The following ZDHHC2 variants were observed in gnomAD, a reference collection of about 807,000 sequenced individuals.
The protein encoded by ZDHHC2 is palmitoyltransferase ZDHHC2.
ZDHHC2 carries 51 observed loss-of-function variants against 55.6 expected under a neutral mutation model. That is an observed-to-expected ratio of 0.92 (90% CI 0.73 to 1.16). The LOEUF (loss-of-function observed/expected upper bound fraction) is 1.16, where lower values mean the gene tolerates loss of function less well. Among genes scored for constraint, ZDHHC2 ranks in the 50% most tolerant of loss-of-function variants. ZDHHC2 has a pLI of 0.00. For missense variants in ZDHHC2, 491 were observed against 442.4 expected (o/e 1.11, Z -0.99); for synonymous variants, 199 against 152.9 (o/e 1.30, Z -2.22).
At position 17,156,623 on chromosome 8, in the gene ZDHHC2, C is replaced by A. The variant is rs1337072636; in HGVS notation, c.-101C>A. The A allele has an allele frequency of 1.0e-5, 10 of 978,234 alleles. No homozygotes were observed. In the East Asian group the frequency reaches 7.5e-4, roughly 74 times the overall value. 60.6% of individuals were successfully genotyped at this position (978,234 alleles called of 1,614,324 possible). On this transcript the variant is annotated 5_prime_UTR_variant, in exon 1 of 13. Coordinates refer to ENST00000262096, the MANE Select transcript of ZDHHC2 (RefSeq NM_016353.5). ...GTGGCCGCAGCGCACCCCGCCGCCG[C>A]CCAGGAGCCCGTCCAGCCAGGGGTG... is the stretch of plus-strand genomic sequence containing the variant.
chr8:17,208,114 T>G, intron 8 of ZDHHC2, 22 bp downstream of exon 8: 1 of 1,529,708 alleles, frequency 6.5e-7, no homozygotes, highest in Non-Finnish European at 8.8e-7. Flanking sequence ...ATTATTGTAG[T>G]TGACAGAACT....
intron 1 of ZDHHC2, among the ~76,000 whole-genome samples, chr8:17,163,054 C>T (rs950863676): frequency 6.6e-6 from 1 of 152,260 alleles, no homozygotes; most frequent in Non-Finnish European, 1.5e-5. Flanking sequence ...GCCACTTTTA[C>T]TCTGTCCAGG....
rs1204220032 is a variant in ZDHHC2 at position 17,184,801 on chromosome 8, A to T, written c.143A>T (p.Asn48Ile). The T allele has an allele frequency of 6.4e-7, 1 of 1,550,532 alleles. No homozygotes were observed. The highest frequency in any genetic ancestry group is 8.7e-7 in the Non-Finnish European group (1 of 1,146,462). The change falls in exon 2 of 13, where the codon AAC becomes ATC. Residue 48 changes from asparagine to isoleucine, a missense_variant. Coordinates refer to ENST00000262096, the MANE Select transcript of ZDHHC2 (RefSeq NM_016353.5). ...TTTCTCTTTACAGTGTCCATGGAAA[A>T]CACTGGCGAACAAGGTAAGCTAGAT... ...AIQLCIVSME[N>I]TGEQVVCLMA...
At chr8:17,194,983 G>A (rs1335985914) in intron 3 of ZDHHC2, among the ~76,000 whole-genome samples, 2 of 151,936 alleles carry the variant, frequency 1.3e-5, no homozygotes, top group South Asian at 4.2e-4. Flanking sequence ...AAATTAGCTG[G>A]GCAAAATTGT....
rs77223135 is a variant in ZDHHC2, at chr8:17,159,118, A to G, written c.130+2265A>G. On this transcript the variant is annotated intron_variant, in intron 1 of 12. Coordinates refer to ENST00000262096, the MANE Select transcript of ZDHHC2 (RefSeq NM_016353.5). ...TTGAAATTTCCTTATAGGCACTGGG[A>G]AAGATGGCGACTAGTGTGACTGACA... is the stretch of plus-strand genomic sequence containing the variant. Among the ~76,000 whole-genome samples the G allele has an allele frequency of 8.8e-3, 1,335 of 152,268 alleles. 18 individuals carry two copies. The highest frequency in any genetic ancestry group is 0.031 in the African/African-American group (1,286 of 41,556).
At chr8:17,204,519 C>T (rs1042772956) in intron 6 of ZDHHC2, among the ~76,000 whole-genome samples, 2 of 152,170 alleles carry the variant, frequency 1.3e-5, no homozygotes, top group African/African-American at 2.4e-5. Context: ...CAAGGTCATC[C>T]AGTAGTGCCC....
chr8:17,205,580 A>T lies in ZDHHC2; in HGVS notation c.477-75A>T. Reference sequence around the variant, plus strand: ...ATAAATTAGAAGTGAGAGGAAGCTAAACACTTGCTTGAGCATATGCACATG... The same window carrying T: ...ATAAATTAGAAGTGAGAGGAAGCTATACACTTGCTTGAGCATATGCACATG... On this transcript the variant is annotated intron_variant, in intron 6 of 12. Coordinates refer to ENST00000262096, the MANE Select transcript of ZDHHC2 (RefSeq NM_016353.5). 2.1e-6 allele frequency: 3 copies of T among 1,427,538 alleles called. No individual in the cohort carries two copies. The South Asian group carries it at 5.0e-5, about 24-fold the overall frequency. The allele number at this position is 1,427,538 out of a possible 1,614,324, so 88.4% of individuals were successfully genotyped here.
At chr8:17,166,787 T>G (rs1804621216) in intron 1 of ZDHHC2, among the ~76,000 whole-genome samples, 1 of 152,116 alleles carries the variant, frequency 6.6e-6, no homozygotes, top group Non-Finnish European at 1.5e-5. Context: ...CATTGCCACA[T>G]GTACTGGCCC....
At chr8:17,196,967 A>T (rs1016614375) in intron 4 of ZDHHC2, among the ~76,000 whole-genome samples, 7 of 152,192 alleles carry the variant, frequency 4.6e-5, no homozygotes, top group African/African-American at 1.7e-4. Flanking sequence ...TCACTTTAGA[A>T]TCATAATTGA....
At chr8:17,193,319 T>G (rs190080827) in intron 3 of ZDHHC2, among the ~76,000 whole-genome samples, 77 of 152,308 alleles carry the variant, frequency 5.1e-4, no homozygotes, top group African/African-American at 1.7e-3. Flanking sequence ...TGGATAAGAT[T>G]TGGAAGAATT....
chr8:17,206,982 C>T (rs1807130690), intron 7 of ZDHHC2, among the ~76,000 whole-genome samples: 1 of 152,150 alleles, frequency 6.6e-6, no homozygotes, highest in Admixed American at 6.5e-5. Context: ...CTTTCAGTGT[C>T]CAGCTTGAAA....
intron 10 of ZDHHC2, 113 bp from the exon 11 acceptor site, chr8:17,215,124 C>A (rs1585743395): frequency 1.1e-5 from 9 of 829,880 alleles, no homozygotes; most frequent in Non-Finnish European, 1.5e-5. Flanking sequence ...TTGGGTACCT[C>A]CTGCATCATC....
At chr8:17,214,754 C>G (rs1807563636) in intron 10 of ZDHHC2, among the ~76,000 whole-genome samples, 2 of 151,814 alleles carry the variant, frequency 1.3e-5, no homozygotes, top group African/African-American at 2.4e-5. Context: ...AAAAATAAAA[C>G]AAAATAATTA....
rs1352644088 is a variant in ZDHHC2 at position 17,223,829 on chromosome 8, T to C, written c.*3608T>C. The stretch of plus-strand genomic sequence containing the variant: ...CAGGAAATTGTTAAACCTTATAATG[T>C]TGCAAACCATGCATTTTCCTTTTCT... On this transcript the variant is annotated 3_prime_UTR_variant, in exon 13 of 13. Transcript: ENST00000262096. The C allele has an allele frequency of 2.0e-5, 3 of 151,842 alleles. No homozygotes were observed. The highest frequency in any genetic ancestry group is 2.1e-4 in the South Asian group (1 of 4,832). The allele number at this position is 151,842 out of a possible 1,614,324, so 9.4% of individuals were successfully genotyped here.
chr8:17,160,102 A>C (rs1317447247), intron 1 of ZDHHC2, among the ~76,000 whole-genome samples: 2 of 152,238 alleles, frequency 1.3e-5, no homozygotes, highest in Non-Finnish European at 2.9e-5. Flanking sequence ...TATGTTTTAC[A>C]GATCCCTTAT....
At chr8:17,178,955 T>A (rs1287038544) in intron 1 of ZDHHC2, among the ~76,000 whole-genome samples, 1 of 152,166 alleles carries the variant, frequency 6.6e-6, no homozygotes, top group African/African-American at 2.4e-5. Flanking sequence ...TCTGTTTCTT[T>A]CTCTCTTTTT....
intron 6 of ZDHHC2, among the ~76,000 whole-genome samples, chr8:17,205,264 T>C (rs987260638): frequency 1.3e-5 from 2 of 152,160 alleles, no homozygotes; most frequent in Admixed American, 1.3e-4. Context: ...ACTTGAAAAA[T>C]TGTAACTTAA....
intron 6 of ZDHHC2, among the ~76,000 whole-genome samples, chr8:17,199,542 C>CTTCGTT (rs1806563970): frequency 2.9e-5 from 1 of 34,582 alleles, no homozygotes; most frequent in Non-Finnish European, 6.3e-5. Context: ...CTGTCTTCGT[C>CTTCGTT]TTCTGTCTTC....
At chr8:17,196,192 A>G (rs915403955) in intron 4 of ZDHHC2, among the ~76,000 whole-genome samples, 1 of 152,046 alleles carries the variant, frequency 6.6e-6, no homozygotes, top group Admixed American at 6.6e-5. Flanking sequence ...TTGTCTTAAA[A>G]CTGATGTATA....
Sources: gnomAD v4.1 joint callset for allele counts (sites outside exome capture counted in the v4.1 genomes callset) on GRCh38, gnomAD v4.1.1 for gene constraint, MANE v1.5 for transcripts, NCBI Gene and HGNC (gene_info 2026-07-23, HGNC 2026-07-21) for gene names.